FGD4: variants seen among roughly 807,000 people sequenced by gnomAD.
FGD4 encodes the protein FYVE, RhoGEF and PH domain containing 4, also known as FYVE, RhoGEF and PH domain-containing protein 4.
In FGD4, 42 loss-of-function variants were observed where a neutral mutation model predicts 102.0. That is an observed-to-expected ratio of 0.41 (90% confidence interval 0.32 to 0.53). The LOEUF is 0.53. Among genes scored for constraint, FGD4 ranks in the 20% least tolerant of loss-of-function variants. FGD4 has a pLI of 0.21. For synonymous variants in FGD4, 380 were observed against 375.7 expected (o/e 1.01, Z -0.13); for missense variants, 902 against 1,078.2 (o/e 0.84, Z 2.29).
chr12:32,465,321 C>A (rs972024097), intron 1 of FGD4, among the ~76,000 whole-genome samples: 1 of 151,712 alleles, frequency 6.6e-6, no homozygotes. Context: ...TTGCCATAGC[C>A]CCCCCAGCCC....
intron 5 of FGD4, 80 bp from the exon 6 acceptor site, chr12:32,601,198 G>T: frequency 6.9e-7 from 1 of 1,455,670 alleles, no homozygotes; most frequent in Non-Finnish European, 9.4e-7. Context: ...AAGTTACTAA[G>T]AGCCCACTAT....
chr12:32,536,170 A>G (rs1301559702), intron 1 of FGD4, among the ~76,000 whole-genome samples: 1 of 152,198 alleles, frequency 6.6e-6, no homozygotes. Flanking sequence ...GAAATGAAAT[A>G]TGATAGAGTA....
chr12:32,538,990 G>A, intron 1 of FGD4, among the ~76,000 whole-genome samples: 1 of 151,964 alleles, frequency 6.6e-6, no homozygotes, highest in East Asian at 1.9e-4. Flanking sequence ...GGAGGTGGAG[G>A]TTGCAGTGAG....
At chr12:32,623,926 A>G (rs1052351238) in intron 11 of FGD4, among the ~76,000 whole-genome samples, 3 of 152,178 alleles carry the variant, frequency 2.0e-5, no homozygotes, top group African/African-American at 7.2e-5. Flanking sequence ...GGTATTGCCT[A>G]AAGCCTTCTA....
At chr12:32,539,306 A>C (rs1942594458) in intron 1 of FGD4, among the ~76,000 whole-genome samples, 1 of 151,994 alleles carries the variant, frequency 6.6e-6, no homozygotes, top group Admixed American at 6.5e-5. Context: ...GCGGTGGCTC[A>C]CATCCGTAAT....
At chr12:32,508,782 A>T (rs1474987896) in intron 1 of FGD4, among the ~76,000 whole-genome samples, 1 of 152,222 alleles carries the variant, frequency 6.6e-6, no homozygotes, top group Non-Finnish European at 1.5e-5. Context: ...TCACCAAGTG[A>T]CTCATGTGAA....
At chr12:32,525,815 G>A (rs1044969509) in intron 1 of FGD4, among the ~76,000 whole-genome samples, 26 of 152,222 alleles carry the variant, frequency 1.7e-4, no homozygotes, top group African/African-American at 4.8e-4. Flanking sequence ...CTTAGCACCC[G>A]GGCCAGTGGC....
chr12:32,575,533 A>G (rs1398841987), intron 2 of FGD4, among the ~76,000 whole-genome samples: 1 of 152,188 alleles, frequency 6.6e-6, no homozygotes, highest in Non-Finnish European at 1.5e-5. Flanking sequence ...AACCCCTCCT[A>G]TAGTTCCCAC....
chr12:32,550,150 G>C (rs1373896927), intron 1 of FGD4, among the ~76,000 whole-genome samples: 1 of 152,092 alleles, frequency 6.6e-6, no homozygotes, highest in African/African-American at 2.4e-5. Context: ...TTGTCTCTCT[G>C]TCTCTAGTAA....
intron 10 of FGD4, among the ~76,000 whole-genome samples, chr12:32,614,718 G>A (rs902918126): frequency 1.3e-5 from 2 of 152,080 alleles, no homozygotes; most frequent in Non-Finnish European, 2.9e-5. Flanking sequence ...AATCTATAAA[G>A]GACACCCATT....
At chr12:32,502,709 C>T (rs950294246) in intron 1 of FGD4, among the ~76,000 whole-genome samples, 24 of 152,268 alleles carry the variant, frequency 1.6e-4, no homozygotes, top group African/African-American at 5.3e-4. Flanking sequence ...AAAAATAACT[C>T]GGGTCAGGGA....
chr12:32,579,254 G>A (rs1440244862), intron 3 of FGD4, among the ~76,000 whole-genome samples: 1 of 151,930 alleles, frequency 6.6e-6, no homozygotes, highest in Non-Finnish European at 1.5e-5. Flanking sequence ...TCCATGTTGA[G>A]GCTGGGCTCG....
At chr12:32,543,875 C>A (rs1943035659) in intron 1 of FGD4, among the ~76,000 whole-genome samples, 1 of 152,122 alleles carries the variant, frequency 6.6e-6, no homozygotes, top group African/African-American at 2.4e-5. Context: ...GATCCGCCCG[C>A]CTCGGCCTCC....
chr12:32,497,571 T>C (rs1480320351), intron 1 of FGD4, among the ~76,000 whole-genome samples: 3 of 152,158 alleles, frequency 2.0e-5, no homozygotes, highest in Non-Finnish European at 4.4e-5. Context: ...GTAATTTGAG[T>C]CTGTTTCATA....
intron 1 of FGD4, among the ~76,000 whole-genome samples, chr12:32,446,119 A>C (rs978108703): frequency 6.6e-6 from 1 of 152,142 alleles, no homozygotes; most frequent in South Asian, 2.1e-4. Context: ...AGGCGACTGC[A>C]CTCCAGCCTG....
chr12:32,594,987 C>T lies in FGD4; in HGVS notation c.1012-3510C>T, dbSNP rs555902189. ...CAGAGGTTGCAGTGAGCCAAGATCACGCCACTGCACTTCAGCCTGGGTGAC... is the reference window on the plus strand; with the variant it reads ...CAGAGGTTGCAGTGAGCCAAGATCATGCCACTGCACTTCAGCCTGGGTGAC... On this transcript the variant is annotated intron_variant, in intron 4 of 16. Coordinates refer to ENST00000534526, the MANE Select transcript of FGD4 (RefSeq NM_001370298.3). Among the ~76,000 whole-genome samples the T allele has an allele frequency of 5.3e-5, 8 of 149,556 alleles. No homozygotes were observed. The East Asian group carries it at 1.2e-3, about 22-fold the overall frequency.
At chr12:32,550,688 A>G (rs199958097) in intron 1 of FGD4, among the ~76,000 whole-genome samples, 8,792 of 150,742 alleles carry the variant, frequency 0.058, 350 homozygotes, top group South Asian at 0.14. Context: ...AAAAAAAAAA[A>G]AAAGAAAGAG....
At chr12:32,430,631 G>T (rs1942014900) in intron 1 of FGD4, among the ~76,000 whole-genome samples, 1 of 126,180 alleles carries the variant, frequency 7.9e-6, no homozygotes, top group Middle Eastern at 3.5e-3. Flanking sequence ...TTGCGTGTGT[G>T]TAAAAGTAAT....
intron 1 of FGD4, among the ~76,000 whole-genome samples, chr12:32,497,356 TGAAAC>T (rs1937885437): frequency 6.6e-6 from 1 of 152,168 alleles, no homozygotes; most frequent in Non-Finnish European, 1.5e-5. Context: ...ATCACTTTCA[TGAAAC>T]GAATTATAAA....
Sources: allele counts gnomAD v4.1 joint callset (sites outside exome capture counted in the v4.1 genomes callset), GRCh38; gene constraint gnomAD v4.1.1; transcripts MANE v1.5; gene names NCBI Gene and HGNC (gene_info 2026-07-23, HGNC 2026-07-21).